KCTD16: variants seen among roughly 807,000 people sequenced by gnomAD.
The protein encoded by KCTD16 is potassium channel tetramerization domain containing 16.
KCTD16 carries 13 observed loss-of-function variants against 33.2 expected under a neutral mutation model. The observed-to-expected ratio is 0.39, with a 90% CI of 0.25 to 0.62. KCTD16 has a LOEUF of 0.62. Ranked by LOEUF, KCTD16 falls within the 20% of genes least tolerant of loss-of-function variation. KCTD16 has a pLI of 0.50. For synonymous variants in KCTD16, 197 were observed against 195.3 expected, an observed-to-expected ratio of 1.01 and a Z score of -0.07; for missense variants, 441 against 525.1, an observed-to-expected ratio of 0.84 and a Z score of 1.57.
At chr5:144,321,096 C>A (rs912267156) in intron 3 of KCTD16, among the ~76,000 whole-genome samples, 1 of 152,130 alleles carries the variant, frequency 6.6e-6, no homozygotes, top group Non-Finnish European at 1.5e-5. Context: ...TTCAAGTGAT[C>A]CACCCATCTC....
intron 3 of KCTD16, among the ~76,000 whole-genome samples, chr5:144,352,649 G>T (rs1245689082): frequency 6.6e-6 from 1 of 152,206 alleles, no homozygotes; most frequent in African/African-American, 2.4e-5. Flanking sequence ...ATTTGGTTGT[G>T]CCCTGTTCCT....
chr5:144,398,300 G>A (rs1752624584), intron 3 of KCTD16, among the ~76,000 whole-genome samples: 1 of 152,096 alleles, frequency 6.6e-6, no homozygotes, highest in Non-Finnish European at 1.5e-5. Context: ...TAAAATGGTG[G>A]TAACATGTCA....
rs560702612 is a variant in KCTD16, at chr5:144,319,875, C to T, written c.832+112329C>T. Among the ~76,000 whole-genome samples, 45 of 152,034 alleles carry T rather than the reference C, an allele frequency of 3.0e-4. No individual in the cohort carries two copies. The Middle Eastern group carries it at 0.017, about 58-fold the overall frequency. ...TGAAATGAGTTTTTCAAAATTGCTA[C>T]GCTATTTTATGTTGATAATTGTATA... On this transcript the variant is annotated intron_variant, in intron 3 of 3. Transcript: ENST00000512467.
At chr5:144,414,747 T>C (rs1404354043) in intron 3 of KCTD16, among the ~76,000 whole-genome samples, 1 of 152,092 alleles carries the variant, frequency 6.6e-6, no homozygotes, top group Non-Finnish European at 1.5e-5. Flanking sequence ...TATATCACCC[T>C]CTCTCCAAAT....
chr5:144,277,118 A>C (rs1233551174), intron 3 of KCTD16, among the ~76,000 whole-genome samples: 4 of 152,264 alleles, frequency 2.6e-5, no homozygotes, highest in African/African-American at 7.2e-5. Flanking sequence ...TGAAAAACTC[A>C]CTATCTATTT....
At chr5:144,342,169 A>G (rs574988774) in intron 3 of KCTD16, among the ~76,000 whole-genome samples, 2,127 of 152,154 alleles carry the variant, frequency 0.014, 26 homozygotes, top group Middle Eastern at 0.037. Context: ...CTTGGGCAGT[A>G]TGGCCATTTT....
At chr5:144,289,495 G>A (rs889392318) in intron 3 of KCTD16, among the ~76,000 whole-genome samples, 4 of 152,188 alleles carry the variant, frequency 2.6e-5, no homozygotes, top group African/African-American at 9.7e-5. Flanking sequence ...AGGGCTGCCT[G>A]TTGAGAGGGC....
intron 2 of KCTD16, among the ~76,000 whole-genome samples, chr5:144,181,546 TA>T (rs1251596625): frequency 6.6e-6 from 1 of 152,224 alleles, no homozygotes; most frequent in Non-Finnish European, 1.5e-5. Context: ...GATGATTGAA[TA>T]AAAAATTTGT....
intron 3 of KCTD16, among the ~76,000 whole-genome samples, chr5:144,470,437 G>A (rs1353088926): frequency 2.0e-5 from 3 of 152,142 alleles, no homozygotes; most frequent in African/African-American, 7.2e-5. Context: ...CTTCATGTAG[G>A]ACTACAGTTG....
At chr5:144,454,634 T>C (rs992914164) in intron 3 of KCTD16, among the ~76,000 whole-genome samples, 5 of 152,188 alleles carry the variant, frequency 3.3e-5, no homozygotes, top group African/African-American at 7.2e-5. Context: ...GAAGACAGGA[T>C]GCATAAAGCT....
At chr5:144,420,538 ACT>A (rs1248732501) in intron 3 of KCTD16, among the ~76,000 whole-genome samples, 1 of 151,464 alleles carries the variant, frequency 6.6e-6, no homozygotes, top group East Asian at 1.9e-4. Context: ...GTGTGTGCAC[ACT>A]CATGGATTTT....
intron 3 of KCTD16, among the ~76,000 whole-genome samples, chr5:144,267,070 G>A (rs757125247): frequency 2.0e-5 from 3 of 152,132 alleles, no homozygotes; most frequent in Non-Finnish European, 4.4e-5. Context: ...CTGGTCATGA[G>A]GTGAAATCAG....
intron 3 of KCTD16, among the ~76,000 whole-genome samples, chr5:144,365,011 G>C (rs1180616837): frequency 7.7e-6 from 1 of 129,632 alleles, no homozygotes; most frequent in Non-Finnish European, 1.6e-5. Context: ...ATACAGAGCA[G>C]AGCAAATCCT....
intron 3 of KCTD16, among the ~76,000 whole-genome samples, chr5:144,286,263 T>C (rs1755743988): frequency 6.6e-6 from 1 of 152,172 alleles, no homozygotes; most frequent in Admixed American, 6.5e-5. Flanking sequence ...CTTTATATTT[T>C]TTTTCTCCAA....
At chr5:144,400,621 T>C (rs1209259319) in intron 3 of KCTD16, among the ~76,000 whole-genome samples, 1 of 152,184 alleles carries the variant, frequency 6.6e-6, no homozygotes, top group Non-Finnish European at 1.5e-5. Context: ...TGCCAGGCAC[T>C]GTTTTACATG....
intron 3 of KCTD16, among the ~76,000 whole-genome samples, chr5:144,401,031 A>G (rs1048254531): frequency 1.3e-5 from 2 of 152,140 alleles, no homozygotes; most frequent in African/African-American, 2.4e-5. Flanking sequence ...GTAGGCAGGG[A>G]CATATCATGA....
In KCTD16 at chr5:144,304,497, G is replaced by A. The variant is rs116246971; in HGVS notation, c.832+96951G>A. On this transcript the variant is annotated intron_variant, in intron 3 of 3. Coordinates refer to ENST00000512467, the MANE Select transcript of KCTD16 (RefSeq NM_020768.4). Reference sequence around the variant, plus strand: ...AAAAGAATTTGAATTGATCAGCCTGGAGAAGAGAAGGAAAGTATTTGGCTT... The same window carrying A: ...AAAAGAATTTGAATTGATCAGCCTGAAGAAGAGAAGGAAAGTATTTGGCTT... Among the ~76,000 whole-genome samples the A allele has an allele frequency of 9.8e-3, 1,495 of 152,312 alleles. 22 individuals are homozygous for A. The highest frequency in any genetic ancestry group is 0.034 in the African/African-American group (1,405 of 41,562).
At position 144,348,061 on chromosome 5, in the gene KCTD16, A is replaced by G. The variant is rs75502603; in HGVS notation, c.833-125599A>G. Among the ~76,000 whole-genome samples the G allele has an allele frequency of 3.2e-3, 486 of 152,326 alleles. 2 individuals are homozygous for G. Among genetic ancestry groups the G allele is most frequent in the African/African-American group, 0.011 (472 of 41,576 alleles). On this transcript the variant is annotated intron_variant, in intron 3 of 3. Transcript: ENST00000512467. ...AACCTTTTCTGGTTTTTCTGGGGAT[A>G]TAACTTACTTCCACTCTTTGACTCT...
intron 2 of KCTD16, among the ~76,000 whole-genome samples, chr5:144,200,534 G>A (rs1753023627): frequency 6.6e-6 from 1 of 152,186 alleles, no homozygotes; most frequent in Non-Finnish European, 1.5e-5. Flanking sequence ...AATGTCTGAA[G>A]ATTTGACAGC....
Sources: gnomAD v4.1 joint callset for allele counts (sites outside exome capture counted in the v4.1 genomes callset) on GRCh38, gnomAD v4.1.1 for gene constraint, MANE v1.5 for transcripts, NCBI Gene and HGNC (gene_info 2026-07-23, HGNC 2026-07-21) for gene names.